ATAD2: variants seen among roughly 807,000 people sequenced by gnomAD.
ATAD2 encodes the protein ATPase family AAA domain-containing protein 2.
In ATAD2, 62 loss-of-function variants were observed where a neutral mutation model predicts 168.9. The observed-to-expected ratio is 0.37, with a 90% CI of 0.30 to 0.45. ATAD2 has a LOEUF of 0.45. Among genes scored for constraint, ATAD2 ranks in the 20% least tolerant of loss-of-function variants. ATAD2 has a pLI of 1.00. For missense variants in ATAD2, 1,419 were observed against 1,667.8 expected, an observed-to-expected ratio of 0.85 and a Z score of 2.60; for synonymous variants, 613 against 571.6, an observed-to-expected ratio of 1.07 and a Z score of -1.03.
chr8:123,386,808 G>A (rs572243560), intron 1 of ATAD2, among the ~76,000 whole-genome samples: 42 of 151,864 alleles, frequency 2.8e-4, no homozygotes, highest in Non-Finnish European at 5.9e-5. Flanking sequence ...AAACTTGGAA[G>A]ACAATCTTAT....
At chr8:123,373,216 G>A (rs1405986762) in intron 2 of ATAD2, among the ~76,000 whole-genome samples, 1 of 150,520 alleles carries the variant, frequency 6.6e-6, no homozygotes, top group African/African-American at 2.5e-5. Flanking sequence ...TTTTTTTGTA[G>A]AGATGGGGCG....
At chr8:123,345,535 G>T (rs917632147) in intron 18 of ATAD2, among the ~76,000 whole-genome samples, 1 of 151,388 alleles carries the variant, frequency 6.6e-6, no homozygotes, top group Non-Finnish European at 1.5e-5. Flanking sequence ...AAATTAGCTG[G>T]GTGTGGCGGC....
chr8:123,322,788 G>T, intron 27 of ATAD2, 150 bp downstream of exon 27: 1 of 672,374 alleles, frequency 1.5e-6, no homozygotes, highest in East Asian at 3.0e-5. Flanking sequence ...TTATGGAATG[G>T]GACATCAACT....
upstream of ATAD2, chr8:123,401,174 T>G: frequency 1.0e-6 from 1 of 986,294 alleles, no homozygotes; most frequent in Non-Finnish European, 1.6e-6. Flanking sequence ...GCAAATGAGA[T>G]CCTGCAGCAA....
rs537986763 is a variant in ATAD2 at position 123,334,033 on chromosome 8, A to G, written c.3335-12T>C. The stretch of plus-strand genomic sequence containing the variant: ...GGAGGAGCTACAACCTTATAAATAG[A>G]TATGTGGGATGTCAAAAGGATTTCC... On this transcript the variant is annotated splice_polypyrimidine_tract_variant and intron_variant, in intron 23 of 27. Coordinates refer to ENST00000287394, the MANE Select transcript of ATAD2 (RefSeq NM_014109.4). The G allele has an allele frequency of 2.4e-5, 39 of 1,597,368 alleles. No homozygotes were observed. In the African/African-American group the frequency reaches 4.7e-4, roughly 19 times the overall value.
At chr8:123,334,103 A>G in intron 23 of ATAD2, 82 bp from the exon 24 acceptor site, 1 of 1,557,608 alleles carries the variant, frequency 6.4e-7, no homozygotes. Flanking sequence ...TACAAAATAC[A>G]TCTGAAGCAT....
intron 1 of ATAD2, among the ~76,000 whole-genome samples, chr8:123,414,997 G>C (rs1218243326): frequency 3.3e-5 from 5 of 152,058 alleles, no homozygotes; most frequent in African/African-American, 1.2e-4. Flanking sequence ...TTGTTGTATA[G>C]GTCCTGTGTG....
intron 9 of ATAD2, among the ~76,000 whole-genome samples, chr8:123,360,200 T>A (rs1221134734): frequency 6.6e-6 from 1 of 152,204 alleles, no homozygotes; most frequent in Non-Finnish European, 1.5e-5. Flanking sequence ...GGGCCAGGAA[T>A]CAAACACAAG....
rs372010968 is a variant in ATAD2, at chr8:123,348,199, T to C, written c.1881A>G (p.Leu627=). 4 of 1,595,906 alleles carry C rather than the reference T, an allele frequency of 2.5e-6. No individual in the cohort carries two copies. Among genetic ancestry groups the C allele is most frequent in the Non-Finnish European group, 3.4e-6 (4 of 1,173,536 alleles). The change falls in exon 15 of 28, where the codon CTA becomes CTG. Residue 627 remains leucine (L), a synonymous_variant. Coordinates refer to ENST00000287394, the MANE Select transcript of ATAD2 (RefSeq NM_014109.4). ...AATGTTTACCAACACAGTTTTCTGC[T>C]AGCTCTTCTAAAAATGTGTCCAGTG... The part of the protein sequence containing the change: ...PKPLDTFLEE[L]AENCVGYCGA...
intron 27 of ATAD2, 72 bp downstream of exon 27, chr8:123,322,866 A>G (rs533815381): frequency 1.7e-5 from 25 of 1,467,230 alleles, no homozygotes; most frequent in Non-Finnish European, 2.1e-5. Context: ...TAAAGCCTCA[A>G]CAATCCTACA....
intron 1 of ATAD2, among the ~76,000 whole-genome samples, chr8:123,388,877 C>A (rs940738832): frequency 2.6e-5 from 4 of 151,768 alleles, no homozygotes; most frequent in African/African-American, 9.7e-5. Context: ...TTACTTAATA[C>A]TCTTAGTTCC....
chr8:123,348,520 TA>T (rs1056540103), intron 14 of ATAD2, among the ~76,000 whole-genome samples: 1 of 152,018 alleles, frequency 6.6e-6, no homozygotes, highest in Admixed American at 6.5e-5. Flanking sequence ...CTACTAAAAA[TA>T]CAAAGATTAG....
chr8:123,337,224 G>A (rs1461134174), intron 21 of ATAD2, among the ~76,000 whole-genome samples: 8 of 151,884 alleles, frequency 5.3e-5, no homozygotes, highest in Middle Eastern at 3.2e-3. Context: ...TTAGCTGGAC[G>A]TGGTGGCACA....
At chr8:123,401,073 T>G, upstream of ATAD2, 1 of 1,572,588 alleles carries the variant, frequency 6.4e-7, no homozygotes, top group Non-Finnish European at 8.7e-7. Flanking sequence ...TCGACTTTCT[T>G]GCTGAGAAGG....
chr8:123,394,377 C>T (rs1471794171), intron 1 of ATAD2, among the ~76,000 whole-genome samples: 1 of 152,128 alleles, frequency 6.6e-6, no homozygotes, highest in Non-Finnish European at 1.5e-5. Context: ...ATTCTGTAAT[C>T]CCAGCATTTT....
rs746901456 is a variant in ATAD2, at chr8:123,328,223, T to G, written c.3835A>C (p.Ile1279Leu). The G allele has an allele frequency of 7.0e-7, 1 of 1,436,008 alleles. No homozygotes were observed. Among genetic ancestry groups the G allele is most frequent in the South Asian group, 1.8e-5 (1 of 56,570 alleles). The allele number at this position is 1,436,008 out of a possible 1,614,324, so 89.0% of individuals were successfully genotyped here. Reference sequence around the variant, plus strand: ...TCATTTTCATCAGAAATATGTATTATCTGAGAGCTAGAAGCATCTCCATTA... The same window carrying G: ...TCATTTTCATCAGAAATATGTATTAGCTGAGAGCTAGAAGCATCTCCATTA... ...ACNGDASSSQIIHISDENEGK... is the reference protein window; with the variant it reads ...ACNGDASSSQLIHISDENEGK... Residue 1279 changes from isoleucine (I) to leucine (L), a missense_variant, in exon 25 of 28, where the codon ATA becomes CTA. By Grantham distance (5) the Ile-to-Leu change is conservative. This residue lies in a region of ATAD2 where 303 missense variants were observed against 304.3 expected (regional missense o/e 1.00). Coordinates refer to ENST00000287394, the MANE Select transcript of ATAD2 (RefSeq NM_014109.4).
intron 8 of ATAD2, among the ~76,000 whole-genome samples, chr8:123,363,412 G>A (rs773839075): frequency 1.3e-5 from 2 of 152,146 alleles, no homozygotes; most frequent in African/African-American, 2.4e-5. Flanking sequence ...CATATGTTGT[G>A]TGTTATCTGT....
chr8:123,380,037 C>A (rs1407285537), intron 2 of ATAD2, among the ~76,000 whole-genome samples: 2 of 151,910 alleles, frequency 1.3e-5, no homozygotes, highest in Admixed American at 6.6e-5. Context: ...CAGGCATGCG[C>A]CACCATGCCC....
chr8:123,333,839 A>G, intron 24 of ATAD2, 39 bp downstream of exon 24: 1 of 1,547,214 alleles, frequency 6.5e-7, no homozygotes, highest in African/African-American at 1.4e-5. Flanking sequence ...AAAAGAATAA[A>G]GTTATAATTT....
Sources: allele counts gnomAD v4.1 joint callset (sites outside exome capture counted in the v4.1 genomes callset), GRCh38; gene constraint gnomAD v4.1.1; regional missense constraint gnomAD v4.1.1; transcripts MANE v1.5; gene names NCBI Gene and HGNC (gene_info 2026-07-23, HGNC 2026-07-21).